The following FCHSD2 variants were observed in gnomAD, a reference collection of about 807,000 sequenced individuals.
The protein encoded by FCHSD2 is FCH and double SH3 domains 2, also known as F-BAR and double SH3 domains protein 2.
In FCHSD2, 38 loss-of-function variants were observed where a neutral mutation model predicts 108.1. The observed-to-expected ratio is 0.35, with a 90% CI of 0.27 to 0.46. The LOEUF (loss-of-function observed/expected upper bound fraction) is 0.46, where lower values mean the gene tolerates loss of function less well. Ranked by LOEUF, FCHSD2 falls within the 20% of genes least tolerant of loss-of-function variation. The pLI, the probability that FCHSD2 is intolerant of heterozygous loss-of-function variation, is 1.00. For missense variants in FCHSD2, 751 were observed against 897.8 expected (o/e 0.84, Z 2.09); for synonymous variants, 279 against 314.7 (o/e 0.89, Z 1.20).
At chr11:73,084,456 T>C (rs1175454045) in intron 2 of FCHSD2, among the ~76,000 whole-genome samples, 1 of 152,100 alleles carries the variant, frequency 6.6e-6, no homozygotes, top group Non-Finnish European at 1.5e-5. Context: ...GGCGGTGAGG[T>C]CCTAGCCCAC....
chr11:73,081,122 A>G lies in FCHSD2; in HGVS notation c.165+2573T>C, dbSNP rs755721659. On this transcript the variant is annotated intron_variant, in intron 3 of 19. Transcript: ENST00000409418. ...GTATTTTACATTTTAAATAATAAAC[A>G]TGTCCTATTTACTTGATTAAAACTT... Among the ~76,000 whole-genome samples the G allele has an allele frequency of 6.8e-4, 103 of 152,256 alleles. 1 individual carries two copies. The highest frequency in any genetic ancestry group is 2.2e-3 in the Admixed American group (34 of 15,290).
chr11:72,886,225 A>T (rs965544722), intron 12 of FCHSD2, among the ~76,000 whole-genome samples: 1 of 152,198 alleles, frequency 6.6e-6, no homozygotes, highest in Non-Finnish European at 1.5e-5. Context: ...AGGAGTGCTT[A>T]TTCTGTCTTT....
At chr11:72,949,919 A>G (rs1196149335) in intron 8 of FCHSD2, among the ~76,000 whole-genome samples, 1 of 152,154 alleles carries the variant, frequency 6.6e-6, no homozygotes, top group East Asian at 1.9e-4. Context: ...GGGTCATATG[A>G]CAATTCTGTT....
intron 4 of FCHSD2, among the ~76,000 whole-genome samples, chr11:73,004,296 G>T (rs1459244330): frequency 6.6e-6 from 1 of 152,080 alleles, no homozygotes; most frequent in African/African-American, 2.4e-5. Context: ...TCAGAAGGTT[G>T]TGAAATTTTT....
chr11:72,939,738 C>G (rs1276743338), intron 8 of FCHSD2, among the ~76,000 whole-genome samples: 1 of 151,142 alleles, frequency 6.6e-6, no homozygotes. Flanking sequence ...TATGCCTCAG[C>G]CTCCCGAGCA....
chr11:72,854,492 T>A (rs1019654366), intron 13 of FCHSD2, among the ~76,000 whole-genome samples: 6 of 152,222 alleles, frequency 3.9e-5, no homozygotes, highest in African/African-American at 9.6e-5. Flanking sequence ...AGTGCAATGG[T>A]GCGATCATAG....
At chr11:73,090,583 C>T (rs1859933599) in intron 2 of FCHSD2, among the ~76,000 whole-genome samples, 1 of 152,034 alleles carries the variant, frequency 6.6e-6, no homozygotes, top group South Asian at 2.1e-4. Context: ...TGCAAAAATG[C>T]CTACTCTGGT....
chr11:72,988,041 C>T (rs558047144), intron 6 of FCHSD2, among the ~76,000 whole-genome samples: 1 of 152,264 alleles, frequency 6.6e-6, no homozygotes, highest in African/African-American at 2.4e-5. Context: ...CCGCGGAGCC[C>T]CTGAATTTTC....
At chr11:73,046,772 G>C (rs1176693600) in intron 3 of FCHSD2, among the ~76,000 whole-genome samples, 1 of 152,064 alleles carries the variant, frequency 6.6e-6, no homozygotes, top group East Asian at 1.9e-4. Flanking sequence ...GATTAAGACA[G>C]GGATTTCACC....
chr11:72,920,668 C>T (rs968414501), intron 9 of FCHSD2, among the ~76,000 whole-genome samples: 4 of 152,072 alleles, frequency 2.6e-5, no homozygotes, highest in Non-Finnish European at 4.4e-5. Flanking sequence ...TAGACTTTTC[C>T]CCCAACATTC....
chr11:72,969,315 GGC>G (rs1186318797), intron 8 of FCHSD2, among the ~76,000 whole-genome samples: 2 of 152,154 alleles, frequency 1.3e-5, no homozygotes, highest in African/African-American at 4.8e-5. Context: ...AATTTAATTT[GGC>G]TTTAAGTTAT....
intron 12 of FCHSD2, among the ~76,000 whole-genome samples, chr11:72,874,937 A>T (rs1036731383): frequency 1.3e-5 from 2 of 152,206 alleles, no homozygotes; most frequent in Admixed American, 6.5e-5. Flanking sequence ...TGGAAGCTTT[A>T]AAGAGACAGA....
chr11:72,977,876 C>A (rs1016895681), intron 8 of FCHSD2, among the ~76,000 whole-genome samples: 38 of 152,174 alleles, frequency 2.5e-4, no homozygotes, highest in African/African-American at 8.7e-4. Context: ...ATGTTTACTG[C>A]AGCACTATTC....
intron 8 of FCHSD2, among the ~76,000 whole-genome samples, chr11:72,961,268 G>T (rs1856814091): frequency 6.6e-6 from 1 of 152,092 alleles, no homozygotes; most frequent in Non-Finnish European, 1.5e-5. Flanking sequence ...GTCTCACTCT[G>T]TTGCCCAGGC....
At chr11:73,075,633 T>C (rs992011871) in intron 3 of FCHSD2, among the ~76,000 whole-genome samples, 18 of 151,980 alleles carry the variant, frequency 1.2e-4, no homozygotes, top group Non-Finnish European at 2.2e-4. Context: ...CTGACCAACA[T>C]AGCAAAACCC....
chr11:73,107,911 G>A (rs138446983), intron 2 of FCHSD2, among the ~76,000 whole-genome samples: 87 of 152,226 alleles, frequency 5.7e-4, no homozygotes, highest in Middle Eastern at 3.4e-3. Context: ...ATCGACATGG[G>A]TATCTTTTGG....
chr11:73,032,879 G>A (rs1381330264), intron 3 of FCHSD2, among the ~76,000 whole-genome samples: 2 of 152,156 alleles, frequency 1.3e-5, no homozygotes, highest in Non-Finnish European at 2.9e-5. Flanking sequence ...AAGGATTTAT[G>A]TTTGGACTAC....
intron 8 of FCHSD2, among the ~76,000 whole-genome samples, chr11:72,981,350 C>T (rs549079776): frequency 6.6e-6 from 1 of 152,186 alleles, no homozygotes; most frequent in African/African-American, 2.4e-5. Context: ...GTGAGCTGGC[C>T]AGGCCCTTTA....
intron 2 of FCHSD2, among the ~76,000 whole-genome samples, chr11:73,133,792 C>CAAA (rs56104779): frequency 3.0e-5 from 2 of 65,856 alleles, no homozygotes; most frequent in South Asian, 5.5e-4. Flanking sequence ...AACTCCGTCT[C>CAAA]AAAAAAAAAA....
Sources: allele counts gnomAD v4.1 joint callset (sites outside exome capture counted in the v4.1 genomes callset), GRCh38; gene constraint gnomAD v4.1.1; transcripts MANE v1.5; gene names NCBI Gene and HGNC (gene_info 2026-07-23, HGNC 2026-07-21).